The following OR6N1 variants were observed in gnomAD, a reference collection of about 807,000 sequenced individuals.
OR6N1 encodes olfactory receptor 6N1.
For missense variants in OR6N1, 394 were observed against 371.7 expected, an observed-to-expected ratio of 1.06 and a Z score of -0.49; for synonymous variants, 170 against 150.7, an observed-to-expected ratio of 1.13 and a Z score of -0.94.
chr1:158,782,150 C>G, the OR6N1 span, among the ~76,000 whole-genome samples: 1 of 152,228 alleles, frequency 6.6e-6, no homozygotes, highest in South Asian at 2.1e-4. Context: ...TATGTACCCT[C>G]AGGCAGTTGT....
the OR6N1 span, among the ~76,000 whole-genome samples, chr1:158,836,024 G>A: frequency 6.6e-6 from 1 of 151,706 alleles, no homozygotes; most frequent in Non-Finnish European, 1.5e-5. Context: ...TTACCATTAA[G>A]AGTGTTAATT....
At chr1:158,789,842 T>C in the OR6N1 span, among the ~76,000 whole-genome samples, 1 of 152,258 alleles carries the variant, frequency 6.6e-6, no homozygotes, top group Admixed American at 6.5e-5. Context: ...TTTAGCTTCA[T>C]ATAATTCCAC....
rs1259067968 is a variant in OR6N1, at chr1:158,765,698, G to A, written c.*46C>T. ...TCTCTGGCCACTGTTGATCCCTGGG[G>A]CCACCATATCCTCAGGCCCGGCCTT... On this transcript the variant is annotated 3_prime_UTR_variant, in exon 2 of 2. Coordinates refer to ENST00000641846, the MANE Select transcript of OR6N1 (RefSeq NM_001005185.2). 4 of 1,478,484 alleles carry A rather than the reference G, an allele frequency of 2.7e-6. No individual in the cohort carries two copies. Among genetic ancestry groups the A allele is most frequent in the Admixed American group, 1.8e-5 (1 of 55,136 alleles). The allele number at this position is 1,478,484 out of a possible 1,614,324, so 91.6% of individuals were successfully genotyped here. A position where few individuals can be genotyped will look rare whatever the true frequency, so the allele number is the denominator to read the frequency against.
chr1:158,834,079 G>A, the OR6N1 span, among the ~76,000 whole-genome samples: 26 of 152,080 alleles, frequency 1.7e-4, no homozygotes, highest in African/African-American at 6.3e-4. Context: ...GATGTTTTGT[G>A]CATGTATGTT....
chr1:158,823,658 A>C, the OR6N1 span, among the ~76,000 whole-genome samples: 1 of 151,710 alleles, frequency 6.6e-6, no homozygotes, highest in Admixed American at 6.6e-5. Context: ...CAAAAAAAAA[A>C]CAGCTCTTGG....
At chr1:158,834,697 C>A in the OR6N1 span, among the ~76,000 whole-genome samples, 3 of 152,062 alleles carry the variant, frequency 2.0e-5, no homozygotes, top group African/African-American at 7.2e-5. Flanking sequence ...AAACCCATTG[C>A]CAAATCCAAT....
chr1:158,787,666 CACACATACACAAAT>C, the OR6N1 span, among the ~76,000 whole-genome samples: 1 of 151,524 alleles, frequency 6.6e-6, no homozygotes, highest in East Asian at 1.9e-4. Context: ...CACACACACA[CACACATACACAAAT>C]ACACACGAAC....
the OR6N1 span, among the ~76,000 whole-genome samples, chr1:158,830,565 T>C: frequency 6.6e-6 from 1 of 152,176 alleles, no homozygotes; most frequent in Non-Finnish European, 1.5e-5. Context: ...TTCAGAGTTA[T>C]GATACTTTGT....
At chr1:158,811,304 A>G in the OR6N1 span, among the ~76,000 whole-genome samples, 1 of 152,070 alleles carries the variant, frequency 6.6e-6, no homozygotes, top group East Asian at 1.9e-4. Context: ...CTCCATCACC[A>G]CTACCCTCAC....
chr1:158,769,449 T>TCACC (rs1204391545), intron 1 of OR6N1, among the ~76,000 whole-genome samples: 1 of 152,142 alleles, frequency 6.6e-6, no homozygotes, highest in Non-Finnish European at 1.5e-5. Context: ...CAGGCATAAG[T>TCACC]CACCATGCTT....
At chr1:158,824,618 A>G in the OR6N1 span, among the ~76,000 whole-genome samples, 15 of 152,284 alleles carry the variant, frequency 9.9e-5, no homozygotes, top group African/African-American at 3.4e-4. Context: ...ATTAAAACAG[A>G]CACACAGGCC....
At chr1:158,785,764 C>G in the OR6N1 span, among the ~76,000 whole-genome samples, 22 of 152,206 alleles carry the variant, frequency 1.4e-4, no homozygotes, top group African/African-American at 5.3e-4. Flanking sequence ...TTAATTTGTA[C>G]TGAGAATACA....
the OR6N1 span, among the ~76,000 whole-genome samples, chr1:158,780,759 AACT>A: frequency 6.6e-6 from 1 of 152,220 alleles, no homozygotes; most frequent in Non-Finnish European, 1.5e-5. Flanking sequence ...GACTGTCTAT[AACT>A]CATTAGATGT....
chr1:158,812,452 A>C, the OR6N1 span, among the ~76,000 whole-genome samples: 1 of 152,208 alleles, frequency 6.6e-6, no homozygotes, highest in African/African-American at 2.4e-5. Context: ...TTAAGTGCTC[A>C]TTTAACATTT....
chr1:158,822,912 A>T, the OR6N1 span, among the ~76,000 whole-genome samples: 45 of 152,126 alleles, frequency 3.0e-4, no homozygotes, highest in Non-Finnish European at 3.2e-4. Context: ...AGGACTCTTA[A>T]TATGAACAGA....
At chr1:158,767,604 T>A (rs1657308824) in intron 1 of OR6N1, among the ~76,000 whole-genome samples, 2 of 152,208 alleles carry the variant, frequency 1.3e-5, no homozygotes, top group African/African-American at 4.8e-5. Context: ...AAACTAATAT[T>A]GTAATACAGA....
intron 1 of OR6N1, 50 bp from the exon 2 acceptor site, chr1:158,766,750 C>G (rs1248772511): frequency 2.4e-6 from 3 of 1,227,592 alleles, no homozygotes; most frequent in Non-Finnish European, 3.4e-6. Flanking sequence ...CTATAGGGTT[C>G]TAACAAGAAG....
At chr1:158,790,593 ATGGGG>A in the OR6N1 span, among the ~76,000 whole-genome samples, 1 of 151,718 alleles carries the variant, frequency 6.6e-6, no homozygotes, top group African/African-American at 2.4e-5. Flanking sequence ...TTTAGTAGAG[ATGGGG>A]TTTCACCGTG....
the OR6N1 span, among the ~76,000 whole-genome samples, chr1:158,789,072 T>G: frequency 6.6e-6 from 1 of 152,186 alleles, no homozygotes. Context: ...CTTTTTTACC[T>G]CTCACATGTG....
Sources: gnomAD v4.1 joint callset for allele counts (sites outside exome capture counted in the v4.1 genomes callset) on GRCh38, gnomAD v4.1.1 for gene constraint, MANE v1.5 for transcripts, NCBI Gene and HGNC (gene_info 2026-07-23, HGNC 2026-07-21) for gene names.